ACACA: variants seen among roughly 807,000 people sequenced by gnomAD.
The protein encoded by ACACA is acetyl-CoA carboxylase alpha, also known as acetyl-CoA carboxylase 1.
In ACACA, 103 loss-of-function variants were observed where a neutral mutation model predicts 296.1. The ratio of observed to expected loss-of-function variants is 0.35; its 90% confidence interval spans 0.30 to 0.41. The LOEUF (loss-of-function observed/expected upper bound fraction) is 0.41, where lower values mean the gene tolerates loss of function less well. ACACA is among the 10% of genes least tolerant of loss of function. ACACA has a pLI of 1.00. For synonymous variants in ACACA, 953 were observed against 1,038.6 expected, an observed-to-expected ratio of 0.92 and a Z score of 1.58; for missense variants, 1,554 against 2,989.7, an observed-to-expected ratio of 0.52 and a Z score of 11.20.
At chr17:37,119,589 A>AACACACACACAC (rs71368443) in intron 50 of ACACA, among the ~76,000 whole-genome samples, 17 of 128,440 alleles carry the variant, frequency 1.3e-4, no homozygotes, top group African/African-American at 3.3e-4. Context: ...TTTTCAACCA[A>AACACACACACAC]ACACACACAC....
At chr17:37,119,418 TCTCA>T (rs2074410506) in intron 50 of ACACA, among the ~76,000 whole-genome samples, 1 of 152,114 alleles carries the variant, frequency 6.6e-6, no homozygotes, top group Non-Finnish European at 1.5e-5. Flanking sequence ...ACTCTCAATT[TCTCA>T]TGGTATTTCC....
At position 37,087,488 on chromosome 17, in the gene ACACA, T is replaced by A. The variant is rs772576852; in HGVS notation, c.7029-49A>T. On this transcript the variant is annotated intron_variant, in intron 55 of 55. Coordinates refer to ENST00000616317, the MANE Select transcript of ACACA (RefSeq NM_198834.3). ...TGAAGAAAAGAGAAGCAGAAGTGTC[T>A]AGATGAGGACAGCTAAAGAACTGCC... The A allele has an allele frequency of 4.2e-5, 68 of 1,612,060 alleles. No homozygotes were observed. In the Admixed American group the frequency reaches 4.7e-4, roughly 11 times the overall value.
intron 3 of ACACA, among the ~76,000 whole-genome samples, chr17:37,317,526 G>A (rs1219101025): frequency 6.6e-6 from 1 of 152,020 alleles, no homozygotes; most frequent in East Asian, 1.9e-4. Context: ...TCATGCCACT[G>A]TACTCCAGCC....
intron 16 of ACACA, 69 bp from the exon 17 acceptor site, chr17:37,248,743 T>C (rs1385598140): frequency 8.9e-7 from 1 of 1,126,714 alleles, no homozygotes; most frequent in Non-Finnish European, 1.3e-6. Flanking sequence ...AAAACATTAT[T>C]GATTGTAGCA....
At chr17:37,360,992 T>C (rs774098577) in intron 1 of ACACA, among the ~76,000 whole-genome samples, 2 of 152,040 alleles carry the variant, frequency 1.3e-5, no homozygotes, top group Non-Finnish European at 2.9e-5. Flanking sequence ...ACTTTTCTTT[T>C]ACCTTTCCTA....
Position 37,265,372 on chromosome 17 carries a change from C to A in ACACA, c.1120-1478G>T, listed in dbSNP as rs191253715. On this transcript the variant is annotated intron_variant, in intron 10 of 55. Transcript: ENST00000616317. ...ACCTCCCACATGCAAAATAGACTCA[C>A]CCCCTCCCAAGACCCCCAAAGTCTC... Among the ~76,000 whole-genome samples the A allele has an allele frequency of 4.1e-3, 619 of 152,248 alleles. 3 individuals are homozygous for A. Among genetic ancestry groups the A allele is most frequent in the East Asian group, 9.3e-3 (48 of 5,174 alleles).
chr17:37,321,871 G>C (rs1029150153), intron 3 of ACACA, among the ~76,000 whole-genome samples: 3 of 151,546 alleles, frequency 2.0e-5, no homozygotes, highest in African/African-American at 7.3e-5. Context: ...TTGAACCCAG[G>C]AGGCGGAGGT....
At chr17:37,165,820 C>A (rs1258901105) in intron 41 of ACACA, among the ~76,000 whole-genome samples, 3 of 152,018 alleles carry the variant, frequency 2.0e-5, no homozygotes, top group Non-Finnish European at 4.4e-5. Flanking sequence ...GGACTACAGG[C>A]ATGTGCCACC....
rs2079297116 is a variant in ACACA at position 37,221,648 on chromosome 17, G to T, written c.3683+76C>A. ...TTTCTAACTAAAAAAACATGGAATT[G>T]TCATACACATTACTCCCCTTGATTC... On this transcript the variant is annotated intron_variant, in intron 29 of 55. Coordinates refer to ENST00000616317, the MANE Select transcript of ACACA (RefSeq NM_198834.3). 3 of 1,198,548 alleles carry T rather than the reference G, an allele frequency of 2.5e-6. No individual in the cohort carries two copies. In the Admixed American group the frequency reaches 5.0e-5, roughly 20 times the overall value. The allele number at this position is 1,198,548 out of a possible 1,614,324, so 74.2% of individuals were successfully genotyped here. A position where few individuals can be genotyped will look rare whatever the true frequency, so the allele number is the denominator to read the frequency against.
intron 41 of ACACA, among the ~76,000 whole-genome samples, chr17:37,174,008 A>ATTTT (rs2077001507): frequency 8.0e-5 from 1 of 12,490 alleles, no homozygotes; most frequent in Non-Finnish European, 1.3e-4. Flanking sequence ...ATATATATAT[A>ATTTT]TATATATATA....
At chr17:37,189,679 C>T (rs938406118) in intron 38 of ACACA, among the ~76,000 whole-genome samples, 9 of 152,070 alleles carry the variant, frequency 5.9e-5, no homozygotes, top group Non-Finnish European at 8.8e-5. Flanking sequence ...GTACAGTGTC[C>T]ATGCCATGTT....
intron 41 of ACACA, among the ~76,000 whole-genome samples, chr17:37,169,818 T>A (rs534030173): frequency 8.0e-4 from 121 of 152,088 alleles, no homozygotes; most frequent in Non-Finnish European, 1.4e-3. Context: ...TTTATCCAGG[T>A]GAAACCCAGT....
chr17:37,181,393 CAG>C (rs2077310764), intron 39 of ACACA, 37 bp from the exon 40 acceptor site: 3 of 1,612,852 alleles, frequency 1.9e-6, no homozygotes, highest in East Asian at 2.2e-5. Flanking sequence ...AGTTAAGAGA[CAG>C]AAAAAAATCA....
rs1386032855 is a variant in ACACA at position 37,390,330 on chromosome 17, A to ATATATATATCTATATATC, written c.38+15931_38+15932insGATATATAGATATATATA. ...TATATATATATATATATATATATAT[A>ATATATATATCTATATATC]TATAAAAGGCCAGCTGGGCCGGGCA... On this transcript the variant is annotated intron_variant, in intron 1 of 55. Coordinates refer to ENST00000616317, the MANE Select transcript of ACACA (RefSeq NM_198834.3). Among the ~76,000 whole-genome samples the ATATATATATCTATATATC allele has an allele frequency of 6.5e-4, 27 of 41,582 alleles. 2 individuals carry two copies. In the East Asian group the frequency reaches 8.2e-3, roughly 13 times the overall value. 27.3% of individuals were successfully genotyped at this position (41,582 alleles called of 152,430 possible).
intron 41 of ACACA, among the ~76,000 whole-genome samples, chr17:37,166,339 A>G (rs1306827366): frequency 1.3e-5 from 2 of 151,842 alleles, no homozygotes; most frequent in East Asian, 1.9e-4. Flanking sequence ...GGGTCTCACC[A>G]TCTTGCCCAG....
intron 2 of ACACA, among the ~76,000 whole-genome samples, chr17:37,334,086 G>A (rs1215543702): frequency 2.0e-5 from 3 of 151,912 alleles, no homozygotes; most frequent in Non-Finnish European, 2.9e-5. Context: ...CAGTCCTCAG[G>A]AAAGGTGGAG....
At position 37,406,683 on chromosome 17, in the gene ACACA, T is replaced by G. The variant is rs1422756978; in HGVS notation, c.-384A>C. On this transcript the variant is annotated 5_prime_UTR_variant, in exon 1 of 56. The change abolishes the stop of an existing upstream ORF in the 5' untranslated region. Transcript: ENST00000616317. ...ACGGGCAAAGTGATTACTGGTCGGATCAAAAGTCAGGCAAGCGGCTCAGCC... is the reference window on the plus strand; with the variant it reads ...ACGGGCAAAGTGATTACTGGTCGGAGCAAAAGTCAGGCAAGCGGCTCAGCC... The G allele has an allele frequency of 2.7e-6, 1 of 375,484 alleles. No homozygotes were observed. Among genetic ancestry groups the G allele is most frequent in the Non-Finnish European group, 5.0e-6 (1 of 200,204 alleles). 23.3% of individuals were successfully genotyped at this position (375,484 alleles called of 1,614,324 possible). A position where few individuals can be genotyped will look rare whatever the true frequency, so the allele number is the denominator to read the frequency against.
chr17:37,191,769 C>G (rs2077761826), intron 37 of ACACA, among the ~76,000 whole-genome samples: 1 of 151,486 alleles, frequency 6.6e-6, no homozygotes, highest in African/African-American at 2.4e-5. Flanking sequence ...TGTGATTTTT[C>G]TGTTTGTATG....
intron 52 of ACACA, among the ~76,000 whole-genome samples, chr17:37,104,972 A>G (rs2073589308): frequency 2.0e-5 from 3 of 151,470 alleles, no homozygotes; most frequent in Non-Finnish European, 2.9e-5. Context: ...AAAAAGCTAA[A>G]GAGAAACTCC....
Sources: allele counts gnomAD v4.1 joint callset (sites outside exome capture counted in the v4.1 genomes callset), GRCh38; gene constraint gnomAD v4.1.1; transcripts MANE v1.5; gene names NCBI Gene and HGNC (gene_info 2026-07-23, HGNC 2026-07-21).